The following PLCH1 variants were observed in gnomAD, a reference collection of about 807,000 sequenced individuals.
PLCH1 encodes phospholipase C eta 1.
In PLCH1, 60 loss-of-function variants were observed where a neutral mutation model predicts 126.7. The observed-to-expected ratio is 0.47, with a 90% CI of 0.38 to 0.59. PLCH1 has a LOEUF of 0.59. Ranked by LOEUF, PLCH1 falls within the 20% of genes least tolerant of loss-of-function variation. PLCH1 has a pLI of 0.00. For missense variants in PLCH1, 1,723 were observed against 2,040.0 expected (o/e 0.84, Z 2.99); for synonymous variants, 719 against 734.9 (o/e 0.98, Z 0.35).
intron 12 of PLCH1, among the ~76,000 whole-genome samples, chr3:155,508,579 G>A (rs1025506340): frequency 1.4e-4 from 19 of 139,644 alleles, no homozygotes; most frequent in Non-Finnish European, 2.7e-4. Context: ...GTTGAATTTT[G>A]TCAAAGGCTT....
intron 1 of PLCH1, among the ~76,000 whole-genome samples, chr3:155,741,056 AG>A (rs1388480611): frequency 6.6e-6 from 1 of 152,224 alleles, no homozygotes; most frequent in East Asian, 1.9e-4. Context: ...TACGAAGCAC[AG>A]AAGACAGAGA....
At chr3:155,620,112 A>C (rs1394173912) in intron 2 of PLCH1, among the ~76,000 whole-genome samples, 2 of 152,238 alleles carry the variant, frequency 1.3e-5, no homozygotes, top group Non-Finnish European at 2.9e-5. Context: ...GTTTTTAAAA[A>C]ATAGTAGAAA....
intron 2 of PLCH1, among the ~76,000 whole-genome samples, chr3:155,610,796 A>C (rs1734977558): frequency 6.7e-6 from 1 of 150,182 alleles, no homozygotes; most frequent in Non-Finnish European, 1.5e-5. Flanking sequence ...CAAAAAAAAC[A>C]ACACAATTAA....
chr3:155,529,280 C>A (rs1256535703), intron 10 of PLCH1, among the ~76,000 whole-genome samples: 1 of 152,194 alleles, frequency 6.6e-6, no homozygotes, highest in Non-Finnish European at 1.5e-5. Flanking sequence ...GGCTGCACAG[C>A]CCCAGGAGAA....
At chr3:155,470,845 G>A (rs1156439895) in intron 21 of PLCH1, among the ~76,000 whole-genome samples, 1 of 151,960 alleles carries the variant, frequency 6.6e-6, no homozygotes, top group Non-Finnish European at 1.5e-5. Context: ...AAGTGAAGGA[G>A]AAATAAAATA....
chr3:155,629,104 T>G (rs1737714362), intron 2 of PLCH1, among the ~76,000 whole-genome samples: 1 of 152,216 alleles, frequency 6.6e-6, no homozygotes, highest in Non-Finnish European at 1.5e-5. Context: ...GTGGTGAAGA[T>G]TAAATGAAAT....
rs78764029 is a variant in PLCH1, at chr3:155,535,400, G to A, written c.1363-11396C>T. Among the ~76,000 whole-genome samples the A allele has an allele frequency of 9.9e-3, 1,509 of 152,350 alleles. 15 individuals are homozygous for A. The highest frequency in any genetic ancestry group is 0.044 in the Middle Eastern group (13 of 294). On this transcript the variant is annotated intron_variant, in intron 10 of 22. Coordinates refer to ENST00000460012, the MANE Select transcript of PLCH1 (RefSeq NM_014996.4). ...TGGGGAGGCTTGTAGCCTGGGGCAA[G>A]ATCTCAGCCCTACTCATGAGCTGCC...
At chr3:155,586,440 C>T (rs546320245) in intron 4 of PLCH1, among the ~76,000 whole-genome samples, 16 of 152,304 alleles carry the variant, frequency 1.1e-4, no homozygotes, top group Admixed American at 2.0e-4. Flanking sequence ...GGTGCAGTGG[C>T]TCATGCCTAT....
intron 22 of PLCH1, 37 bp downstream of exon 22, chr3:155,485,319 G>A (rs1046083414): frequency 1.5e-6 from 2 of 1,355,518 alleles, no homozygotes; most frequent in Non-Finnish European, 2.1e-6. Context: ...ATGCAGCCTA[G>A]AAGGGTTTAT....
intron 6 of PLCH1, among the ~76,000 whole-genome samples, chr3:155,571,012 G>A (rs1350221836): frequency 6.6e-6 from 1 of 152,034 alleles, no homozygotes; most frequent in Non-Finnish European, 1.5e-5. Flanking sequence ...TCACATTAAA[G>A]GACAACTAAT....
chr3:155,704,088 A>T, intron 2 of PLCH1, 58 bp downstream of exon 2: 1 of 722,586 alleles, frequency 1.4e-6, no homozygotes, highest in Non-Finnish European at 1.9e-6. Flanking sequence ...GCTAGAATAA[A>T]AGTCCTGTCA....
chr3:155,711,600 C>T (rs59955044), intron 1 of PLCH1, among the ~76,000 whole-genome samples: 37,391 of 152,084 alleles, frequency 0.25, 5,008 homozygotes, highest in African/African-American at 0.36. Context: ...TTTTTCGCTC[C>T]TCTAGAAATA....
At chr3:155,705,900 G>A (rs756899070) in intron 1 of PLCH1, among the ~76,000 whole-genome samples, 29 of 152,300 alleles carry the variant, frequency 1.9e-4, no homozygotes, top group Non-Finnish European at 2.5e-4. Flanking sequence ...TCTGGGCTGC[G>A]CGCAGTGGCT....
chr3:155,525,674 C>T (rs894495538), intron 10 of PLCH1, among the ~76,000 whole-genome samples: 3 of 152,146 alleles, frequency 2.0e-5, no homozygotes, highest in African/African-American at 7.2e-5. Flanking sequence ...GAGACTCCTG[C>T]CCAGCTTGAG....
At chr3:155,514,586 A>G in intron 12 of PLCH1, 137 bp downstream of exon 12, 1 of 544,884 alleles carries the variant, frequency 1.8e-6, no homozygotes. Flanking sequence ...ATTTTGCAAT[A>G]AGAGATTTTC....
At chr3:155,626,901 G>T (rs1307608319) in intron 2 of PLCH1, among the ~76,000 whole-genome samples, 1 of 148,686 alleles carries the variant, frequency 6.7e-6, no homozygotes, top group African/African-American at 2.5e-5. Context: ...AATAAATAAA[G>T]GTTTAATATC....
intron 21 of PLCH1, among the ~76,000 whole-genome samples, chr3:155,471,972 G>T (rs1713271953): frequency 6.6e-6 from 1 of 152,052 alleles, no homozygotes; most frequent in Admixed American, 6.6e-5. Context: ...ACAAGAGAAA[G>T]CAGGAAAGAT....
At position 155,482,670 on chromosome 3, in the gene PLCH1, A is replaced by G. The variant is rs749174912; in HGVS notation, c.3356T>C (p.Val1119Ala). 4 of 1,614,172 alleles carry G rather than the reference A, an allele frequency of 2.5e-6. No homozygotes were observed. In the Admixed American group the frequency reaches 6.7e-5, roughly 27 times the overall value. The change falls in exon 23 of 23, where the codon GTC becomes GCC. Residue 1119 changes from valine (V) to alanine (A), a missense_variant. Transcript: ENST00000460012. Reference sequence around the variant, plus strand: ...AATTTCTAGGTTGCTATGAGAAAGGACGCTTCCTGACAAGATGCTTTTCCC... The same window carrying G: ...AATTTCTAGGTTGCTATGAGAAAGGGCGCTTCCTGACAAGATGCTTTTCCC... Reference protein sequence around the residue: ...VEGKSILSGSVLSHSNLEIKN... With the variant: ...VEGKSILSGSALSHSNLEIKN...
At position 155,481,844 on chromosome 3, in the gene PLCH1, T is replaced by A; in HGVS notation, c.4182A>T (p.Arg1394Ser). The A allele has an allele frequency of 6.2e-7, 1 of 1,614,152 alleles. No individual in the cohort carries two copies. The highest frequency in any genetic ancestry group is 1.1e-5 in the South Asian group (1 of 91,080). Residue 1394 changes from arginine to serine, a missense_variant, in exon 23 of 23, where the codon AGA becomes AGT. Arg to Ser is a moderately radical substitution (Grantham distance 110, BLOSUM62 -1). Transcript: ENST00000460012. This position sits in a 1 kb window ranked among gnomAD's most constrained non-coding sequence, Gnocchi z 4.2. ...YNQGVVEHFQ[R>S]GLRNGYCKET... The stretch of plus-strand genomic sequence containing the variant: ...CTTTACAGTAGCCGTTTCTCAAACC[T>A]CTTTGAAAGTGTTCTACCACACCCT...
Sources: allele counts gnomAD v4.1 joint callset (sites outside exome capture counted in the v4.1 genomes callset), GRCh38; gene constraint gnomAD v4.1.1; non-coding constraint Gnocchi (gnomAD v3.1); transcripts MANE v1.5; gene names NCBI Gene and HGNC (gene_info 2026-07-23, HGNC 2026-07-21).